Variants in HERC4 observed in about 807,000 individuals in gnomAD.
HERC4 encodes probable E3 ubiquitin-protein ligase HERC4.
A neutral mutation model predicts 124.3 loss-of-function variants in HERC4; 28 were observed. The ratio of observed to expected loss-of-function variants is 0.23; its 90% confidence interval spans 0.17 to 0.31. The LOEUF (loss-of-function observed/expected upper bound fraction) is 0.31, where lower values mean the gene tolerates loss of function less well. HERC4 is among the 10% of genes least tolerant of loss of function. The pLI is 1.00. For synonymous variants in HERC4, 407 were observed against 421.5 expected, an observed-to-expected ratio of 0.97 and a Z score of 0.42; for missense variants, 713 against 1,229.3, an observed-to-expected ratio of 0.58 and a Z score of 6.28.
chr10:68,023,668 T>C (rs148144872), intron 8 of HERC4, among the ~76,000 whole-genome samples: 92 of 152,342 alleles, frequency 6.0e-4, no homozygotes, highest in Non-Finnish European at 1.0e-3. Context: ...CTTAATACCA[T>C]GGACTGTATA....
chr10:68,053,459 A>G (rs1476850229), intron 3 of HERC4, among the ~76,000 whole-genome samples: 2 of 151,874 alleles, frequency 1.3e-5, no homozygotes, highest in South Asian at 4.2e-4. Flanking sequence ...ATGAGCTACC[A>G]CACCCCATTA....
At chr10:67,989,131 T>C (rs1420546232) in intron 14 of HERC4, among the ~76,000 whole-genome samples, 1 of 152,072 alleles carries the variant, frequency 6.6e-6, no homozygotes, top group East Asian at 1.9e-4. Context: ...ATACCTAATA[T>C]TAAAACCAGT....
At chr10:68,030,584 C>G (rs1328948377) in intron 7 of HERC4, among the ~76,000 whole-genome samples, 2 of 152,118 alleles carry the variant, frequency 1.3e-5, no homozygotes, top group Non-Finnish European at 2.9e-5. Context: ...GCATAAATAC[C>G]TCATTCTGTT....
At chr10:67,985,348 A>T (rs1368034088) in intron 15 of HERC4, among the ~76,000 whole-genome samples, 2 of 152,252 alleles carry the variant, frequency 1.3e-5, no homozygotes, top group African/African-American at 2.4e-5. Context: ...ATGAATTTTA[A>T]AAAGAAGTCA....
At chr10:67,992,573 GC>G (rs1191666772) in intron 10 of HERC4, 32 bp downstream of exon 10, 1 of 1,234,284 alleles carries the variant, frequency 8.1e-7, no homozygotes, top group Non-Finnish European at 1.2e-6. Context: ...AATTATTGGA[GC>G]TATTTAATTA....
intron 9 of HERC4, chr10:68,007,985 G>GT (rs2037680790): frequency 6.6e-6 from 1 of 152,404 alleles, no homozygotes; most frequent in African/African-American, 2.4e-5. Context: ...TCCTAAGTAG[G>GT]TGGGACTACA....
intron 23 of HERC4, among the ~76,000 whole-genome samples, chr10:67,926,511 C>T (rs898531528): frequency 3.9e-5 from 6 of 152,052 alleles, no homozygotes; most frequent in African/African-American, 1.2e-4. Flanking sequence ...CTTATCCAGC[C>T]GCAGTTGGCT....
At chr10:68,038,267 C>T (rs1290250769) in intron 4 of HERC4, 98 bp from the exon 5 acceptor site, 4 of 484,940 alleles carry the variant, frequency 8.2e-6, no homozygotes, top group Non-Finnish European at 1.5e-5. Context: ...ACTATATGCA[C>T]ATAGGTCATA....
intron 9 of HERC4, chr10:67,992,919 C>A (rs2036628550): frequency 5.5e-6 from 2 of 364,008 alleles, no homozygotes; most frequent in East Asian, 4.8e-5. Flanking sequence ...ACAAGCCTTT[C>A]TTCTGCCCTG....
chr10:68,064,576 A>AAG (rs1554831829), intron 3 of HERC4, among the ~76,000 whole-genome samples: 87 of 150,518 alleles, frequency 5.8e-4, no homozygotes, highest in Non-Finnish European at 8.4e-4. Flanking sequence ...AAAAAAAAAA[A>AAG]AGAGAGAGAG....
At chr10:67,938,772 C>T (rs1431498402) in intron 21 of HERC4, among the ~76,000 whole-genome samples, 9 of 151,906 alleles carry the variant, frequency 5.9e-5, no homozygotes, top group Non-Finnish European at 1.2e-4. Flanking sequence ...GGTGAAACCC[C>T]GTCTCTACTA....
At chr10:68,018,507 A>C (rs2038400464) in intron 8 of HERC4, among the ~76,000 whole-genome samples, 1 of 152,194 alleles carries the variant, frequency 6.6e-6, no homozygotes, top group Non-Finnish European at 1.5e-5. Context: ...CAGCACATTA[A>C]AACAATTATA....
chr10:68,050,619 C>G (rs1335827507), intron 3 of HERC4, among the ~76,000 whole-genome samples: 1 of 152,166 alleles, frequency 6.6e-6, no homozygotes, highest in Non-Finnish European at 1.5e-5. Flanking sequence ...TAATAGCTGA[C>G]TTTTTAGACA....
intron 11 of HERC4, 127 bp from the exon 12 acceptor site, chr10:67,991,326 C>T: frequency 2.2e-6 from 1 of 444,454 alleles, no homozygotes; most frequent in Non-Finnish European, 4.0e-6. Context: ...CTCTAACACC[C>T]AATTAGATGA....
chr10:67,970,975 GATA>G (rs2035199720), intron 15 of HERC4, among the ~76,000 whole-genome samples: 1 of 151,862 alleles, frequency 6.6e-6, no homozygotes, highest in Admixed American at 6.6e-5. Flanking sequence ...TTTCTGAAAA[GATA>G]ATAATGAATA....
At chr10:67,991,990 C>T (rs2036576649) in intron 11 of HERC4, among the ~76,000 whole-genome samples, 1 of 152,090 alleles carries the variant, frequency 6.6e-6, no homozygotes, top group Non-Finnish European at 1.5e-5. Context: ...CCTCGACCTC[C>T]TGGGCTCAGC....
intron 15 of HERC4, among the ~76,000 whole-genome samples, chr10:67,968,884 G>A (rs2035059604): frequency 1.3e-5 from 2 of 152,058 alleles, no homozygotes; most frequent in Non-Finnish European, 2.9e-5. Context: ...GAAAAAAATA[G>A]ACAAAACCAG....
intron 9 of HERC4, among the ~76,000 whole-genome samples, chr10:68,006,821 G>A (rs1191705786): frequency 6.6e-6 from 1 of 152,100 alleles, no homozygotes; most frequent in Non-Finnish European, 1.5e-5. Context: ...TAATCTGTAA[G>A]GTTTCCACTG....
rs192690430 is a variant in HERC4 at position 68,016,600 on chromosome 10, C to G, written c.909-2414G>C. ...TCTCTTGACCTTGTGATCTGCCCGCCCTGGCCTCCCAAAGTGCTGGGATTA... is the reference window on the plus strand; with the variant it reads ...TCTCTTGACCTTGTGATCTGCCCGCGCTGGCCTCCCAAAGTGCTGGGATTA... On this transcript the variant is annotated intron_variant, in intron 8 of 24. Transcript: ENST00000373700. 5.7e-3 allele frequency among the ~76,000 whole-genome samples: 863 copies of G among 152,220 alleles called. 11 individuals are homozygous for G. The highest frequency in any genetic ancestry group is 0.02 in the African/African-American group (819 of 41,536).
Sources: allele counts gnomAD v4.1 joint callset (sites outside exome capture counted in the v4.1 genomes callset), GRCh38; gene constraint gnomAD v4.1.1; transcripts MANE v1.5; gene names NCBI Gene and HGNC (gene_info 2026-07-23, HGNC 2026-07-21).